RAB28: variants seen among roughly 807,000 people sequenced by gnomAD.
The protein encoded by RAB28 is ras-related protein Rab-28.
In RAB28, 24 loss-of-function variants were observed where a neutral mutation model predicts 31.7. The observed-to-expected ratio is 0.76, with a 90% CI of 0.55 to 1.06. The LOEUF (loss-of-function observed/expected upper bound fraction) is 1.06, where lower values mean the gene tolerates loss of function less well. RAB28 is among the 50% of genes least tolerant of loss of function. The probability of loss-of-function intolerance (pLI) is 0.00; values close to 1 mark genes in which losing one functional copy is unlikely to be tolerated. For synonymous variants in RAB28, 100 were observed against 90.4 expected (o/e 1.11, Z -0.60); for missense variants, 254 against 258.5 (o/e 0.98, Z 0.12).
intron 4 of RAB28, among the ~76,000 whole-genome samples, chr4:13,455,114 G>C (rs1005076467): frequency 4.6e-5 from 7 of 152,170 alleles, no homozygotes; most frequent in African/African-American, 1.7e-4. Flanking sequence ...TATTTGCCAG[G>C]GGCAGCCTAT....
rs985843233 is a variant in RAB28 at position 13,440,740 on chromosome 4, G to A, written c.391+19959C>T. On this transcript the variant is annotated intron_variant, in intron 4 of 6. Transcript: ENST00000330852. The stretch of plus-strand genomic sequence containing the variant: ...CCTAATACCTAGTACCTCAGAATGT[G>A]AGTCCATTTGGAGACAGGGCCTTTA... 1.3e-5 allele frequency among the ~76,000 whole-genome samples: 2 copies of A among 152,042 alleles called. 1 individual carries two copies.
chr4:13,368,743 A>G, intron 6 of RAB28, 93 bp from the exon 7 acceptor site: 2 of 1,022,696 alleles, frequency 2.0e-6, no homozygotes, highest in Non-Finnish European at 2.8e-6. Flanking sequence ...ACTTTGCTGA[A>G]CTTCTGATGA....
chr4:13,448,258 CTTTA>C (rs1032117601), intron 4 of RAB28, among the ~76,000 whole-genome samples: 4 of 151,976 alleles, frequency 2.6e-5, no homozygotes, highest in African/African-American at 7.2e-5. Context: ...GCTCTGTGTT[CTTTA>C]TTTGATACTA....
At chr4:13,424,674 C>T (rs1258875518) in intron 4 of RAB28, among the ~76,000 whole-genome samples, 1 of 152,166 alleles carries the variant, frequency 6.6e-6, no homozygotes, top group Non-Finnish European at 1.5e-5. Context: ...GTCACCAGAT[C>T]TATACACCTA....
chr4:13,484,056 G>C lies in RAB28; in HGVS notation c.75+20C>G. ...GGGGTTCCTGCAGGCCTGGGACGGC[G>C]GGCCTGCTCGAGGACTGACCTTCCC... is the stretch of plus-strand genomic sequence containing the variant. On this transcript the variant is annotated intron_variant, in intron 1 of 6. Coordinates refer to ENST00000330852, the MANE Select transcript of RAB28 (RefSeq NM_001017979.3). 1.3e-6 allele frequency: 2 copies of C among 1,579,754 alleles called. No individual in the cohort carries two copies. The highest frequency in any genetic ancestry group is 1.7e-6 in the Non-Finnish European group (2 of 1,163,068).
At chr4:13,448,352 T>C (rs1257148739) in intron 4 of RAB28, among the ~76,000 whole-genome samples, 1 of 152,096 alleles carries the variant, frequency 6.6e-6, no homozygotes, top group African/African-American at 2.4e-5. Context: ...ATGCTTTTAT[T>C]AGCATTTAAT....
intron 4 of RAB28, among the ~76,000 whole-genome samples, chr4:13,422,493 CA>C: frequency 6.6e-6 from 1 of 152,294 alleles, no homozygotes; most frequent in South Asian, 2.1e-4. Flanking sequence ...GACTTGGAAC[CA>C]ACCCAAATGT....
At chr4:13,375,548 T>C (rs1338119386) in intron 6 of RAB28, among the ~76,000 whole-genome samples, 1 of 152,184 alleles carries the variant, frequency 6.6e-6, no homozygotes, top group Admixed American at 6.5e-5. Context: ...TATATTCTCC[T>C]AGGCCCAAAA....
At chr4:13,406,272 T>A (rs1399996354) in intron 4 of RAB28, among the ~76,000 whole-genome samples, 5 of 152,152 alleles carry the variant, frequency 3.3e-5, no homozygotes, top group Non-Finnish European at 5.9e-5. Flanking sequence ...TGTTACTCTG[T>A]TAGTTTGCTG....
chr4:13,443,074 G>C (rs1187337473), intron 4 of RAB28, among the ~76,000 whole-genome samples: 1 of 152,106 alleles, frequency 6.6e-6, no homozygotes, highest in Admixed American at 6.5e-5. Flanking sequence ...AGATTAGCTA[G>C]AGCTAATAAT....
At chr4:13,400,035 C>T (rs1186009700) in intron 4 of RAB28, among the ~76,000 whole-genome samples, 1 of 152,046 alleles carries the variant, frequency 6.6e-6, no homozygotes, top group African/African-American at 2.4e-5. Flanking sequence ...CTATTTGGAA[C>T]TGATTTTTGT....
At chr4:13,371,977 G>A (rs1728732023) in intron 6 of RAB28, 1 of 1,021,214 alleles carries the variant, frequency 9.8e-7, no homozygotes. Flanking sequence ...GAGGGCATAA[G>A]CAAGAAAGCA....
intron 4 of RAB28, among the ~76,000 whole-genome samples, chr4:13,398,726 C>T (rs1385819148): frequency 1.3e-5 from 2 of 149,240 alleles, no homozygotes; most frequent in African/African-American, 2.5e-5. Flanking sequence ...TGCAGTGAGC[C>T]GAGATCGCGC....
At chr4:13,447,617 T>TA (rs957670154) in intron 4 of RAB28, among the ~76,000 whole-genome samples, 11 of 152,144 alleles carry the variant, frequency 7.2e-5, no homozygotes, top group Admixed American at 2.6e-4. Flanking sequence ...AAATTTTTTT[T>TA]AAAAAAGCGA....
intron 6 of RAB28, among the ~76,000 whole-genome samples, chr4:13,373,133 A>T (rs1354764302): frequency 1.3e-5 from 2 of 152,162 alleles, no homozygotes; most frequent in Admixed American, 6.6e-5. Flanking sequence ...ATTCAGACTG[A>T]AGGACACAAG....
chr4:13,446,953 C>T (rs1417739665), intron 4 of RAB28, among the ~76,000 whole-genome samples: 1 of 152,200 alleles, frequency 6.6e-6, no homozygotes, highest in African/African-American at 2.4e-5. Flanking sequence ...ACCTATTCCT[C>T]TTAACAGTTT....
chr4:13,451,397 GTTT>G (rs79148759), intron 4 of RAB28, among the ~76,000 whole-genome samples: 5 of 135,964 alleles, frequency 3.7e-5, no homozygotes, highest in African/African-American at 1.3e-4. Flanking sequence ...TTTGGGGTGG[GTTT>G]TTTTTTTTTT....
rs1341710898 is a variant in RAB28 at position 13,370,225 on chromosome 4, G to A, written c.574-1575C>T. 4.1e-6 allele frequency: 4 copies of A among 972,626 alleles called. No individual in the cohort carries two copies. In the African/African-American group the frequency reaches 5.3e-5, roughly 13 times the overall value. 60.2% of individuals were successfully genotyped at this position (972,626 alleles called of 1,614,324 possible). A position where few individuals can be genotyped will look rare whatever the true frequency, so the allele number is the denominator to read the frequency against. On this transcript the variant is annotated intron_variant, in intron 6 of 6. Coordinates refer to ENST00000330852, the MANE Select transcript of RAB28 (RefSeq NM_001017979.3). ...GTAATTCTATTTAATTACTGAAATAGATATGACCACTGAACTTCCCAAATT... is the reference window on the plus strand; with the variant it reads ...GTAATTCTATTTAATTACTGAAATAAATATGACCACTGAACTTCCCAAATT...
chr4:13,410,748 G>A (rs1342345087), intron 4 of RAB28, among the ~76,000 whole-genome samples: 2 of 151,994 alleles, frequency 1.3e-5, no homozygotes, highest in East Asian at 3.9e-4. Flanking sequence ...TAAAAATAAG[G>A]CAAGAACAGG....
Sources: allele counts gnomAD v4.1 joint callset (sites outside exome capture counted in the v4.1 genomes callset), GRCh38; gene constraint gnomAD v4.1.1; transcripts MANE v1.5; gene names NCBI Gene and HGNC (gene_info 2026-07-23, HGNC 2026-07-21).